FRMD4A: variants seen among roughly 807,000 people sequenced by gnomAD.
The protein encoded by FRMD4A is FERM domain-containing protein 4A.
FRMD4A carries 29 observed loss-of-function variants against 129.1 expected under a neutral mutation model. The ratio of observed to expected loss-of-function variants is 0.22; its 90% CI spans 0.17 to 0.31. The LOEUF (loss-of-function observed/expected upper bound fraction) is 0.31. Among genes scored for constraint, FRMD4A ranks in the 10% least tolerant of loss-of-function variants. The probability of loss-of-function intolerance (pLI) is 1.00; values close to 1 mark genes in which losing one functional copy is unlikely to be tolerated. For synonymous variants in FRMD4A, 634 were observed against 571.6 expected (o/e 1.11, Z -1.56); for missense variants, 1,272 against 1,375.8 (o/e 0.92, Z 1.19).
At chr10:13,702,567 T>C (rs11258538) in intron 13 of FRMD4A, among the ~76,000 whole-genome samples, 43,450 of 149,264 alleles carry the variant, frequency 0.29, 6,648 homozygotes, top group East Asian at 0.48. Flanking sequence ...TGTGTGTGTG[T>C]GCGCATGCAT....
intron 2 of FRMD4A, among the ~76,000 whole-genome samples, chr10:14,258,206 C>CA (rs956697996): frequency 6.7e-6 from 1 of 149,806 alleles, no homozygotes; most frequent in Non-Finnish European, 1.5e-5. Flanking sequence ...TTATACTCTT[C>CA]AAAAAAGAAG....
intron 2 of FRMD4A, among the ~76,000 whole-genome samples, chr10:13,876,991 C>G (rs1036836075): frequency 6.6e-6 from 1 of 152,052 alleles, no homozygotes. Flanking sequence ...ATTCACATAC[C>G]TATGTGACAA....
intron 15 of FRMD4A, among the ~76,000 whole-genome samples, chr10:13,689,029 A>C (rs1275684102): frequency 6.6e-6 from 1 of 152,068 alleles, no homozygotes; most frequent in Non-Finnish European, 1.5e-5. Context: ...TATCAATGAC[A>C]TTCTTCATTT....
chr10:14,308,492 T>C (rs536898733), intron 2 of FRMD4A, among the ~76,000 whole-genome samples: 3 of 152,324 alleles, frequency 2.0e-5, no homozygotes, highest in African/African-American at 7.2e-5. Context: ...AGACTAAAAT[T>C]ATGCAGGAGC....
At chr10:14,175,853 C>G (rs536614061) in intron 2 of FRMD4A, among the ~76,000 whole-genome samples, 12 of 152,138 alleles carry the variant, frequency 7.9e-5, no homozygotes, top group Admixed American at 7.9e-4. Context: ...TCTTTCTCTG[C>G]GTCACCTTAG....
chr10:14,287,279 C>T (rs1478037455), intron 2 of FRMD4A, among the ~76,000 whole-genome samples: 1 of 152,148 alleles, frequency 6.6e-6, no homozygotes. Context: ...AAACTGATCC[C>T]ATTGCTGAGA....
rs113580535 is a variant in FRMD4A at position 13,795,007 on chromosome 10, G to A, written c.299+1489C>T. ...GTGCCCCAAGCTCTCCTGCAAGGAC[G>A]TCCACAAATAATTCAGACACTTGGA... On this transcript the variant is annotated intron_variant, in intron 5 of 24. Coordinates refer to ENST00000357447, the MANE Select transcript of FRMD4A (RefSeq NM_018027.5). Among the ~76,000 whole-genome samples the A allele has an allele frequency of 8.8e-3, 1,335 of 152,276 alleles. 14 individuals carry two copies. The highest frequency in any genetic ancestry group is 0.031 in the African/African-American group (1,278 of 41,542).
chr10:14,006,957 G>T (rs879525320), intron 2 of FRMD4A, among the ~76,000 whole-genome samples: 5 of 151,850 alleles, frequency 3.3e-5, no homozygotes, highest in Non-Finnish European at 5.9e-5. Context: ...TATTCAAATG[G>T]CAGAAAAAAT....
intron 2 of FRMD4A, among the ~76,000 whole-genome samples, chr10:14,261,494 T>A (rs1374574130): frequency 6.6e-6 from 1 of 152,170 alleles, no homozygotes; most frequent in African/African-American, 2.4e-5. Context: ...AGGACTCAAA[T>A]TAAAGCTGCC....
chr10:13,873,281 A>AAG (rs1554950827), intron 2 of FRMD4A, among the ~76,000 whole-genome samples: 3 of 151,752 alleles, frequency 2.0e-5, no homozygotes, highest in Non-Finnish European at 1.5e-5. Flanking sequence ...AAAAAAAAAA[A>AAG]AGATAAGTTT....
chr10:13,670,395 G>C lies in FRMD4A; in HGVS notation c.1374+11C>G. 1 of 1,611,928 alleles carries C rather than the reference G, an allele frequency of 6.2e-7. No homozygotes were observed. The highest frequency in any genetic ancestry group is 8.5e-7 in the Non-Finnish European group (1 of 1,178,672). ...CATGAGAGAATCCAACAACAGAAAG[G>C]AAGGACGCACCTCTCCTTTGGGCAG... On this transcript the variant is annotated intron_variant, in intron 17 of 24. Transcript: ENST00000357447.
At chr10:14,142,711 T>C (rs1222507279) in intron 2 of FRMD4A, among the ~76,000 whole-genome samples, 1 of 152,240 alleles carries the variant, frequency 6.6e-6, no homozygotes, top group Admixed American at 6.5e-5. Flanking sequence ...AGCCAGATAG[T>C]ATTTCAATGG....
intron 9 of FRMD4A, among the ~76,000 whole-genome samples, chr10:13,747,114 A>G (rs1036844029): frequency 6.6e-6 from 1 of 152,068 alleles, no homozygotes; most frequent in African/African-American, 2.4e-5. Context: ...AGCACATGAA[A>G]GGCTCTCGAA....
chr10:13,991,646 T>C (rs2095603800), intron 2 of FRMD4A, among the ~76,000 whole-genome samples: 1 of 152,244 alleles, frequency 6.6e-6, no homozygotes, highest in Admixed American at 6.5e-5. Flanking sequence ...GAAGCATTTT[T>C]GATACACCTG....
rs1473267533 is a variant in FRMD4A, at chr10:13,884,152, A to ACACTCACACACACACACTCACACACTCT, written c.46-25241_46-25240insAGAGTGTGTGAGTGTGTGTGTGTGAGTG. On this transcript the variant is annotated intron_variant, in intron 2 of 24. Transcript: ENST00000357447. ...CACACGCTCACACACACTCTCACAC[A>ACACTCACACACACACACTCACACACTCT]CTCTCACACACACACTCACACACTC... Among the ~76,000 whole-genome samples, 11 of 23,402 alleles carry ACACTCACACACACACACTCACACACTCT rather than the reference A, an allele frequency of 4.7e-4. No homozygotes were observed. The East Asian group carries it at 0.012, about 25-fold the overall frequency. The allele number at this position is 23,402 out of a possible 152,430, so 15.4% of individuals were successfully genotyped here.
chr10:13,766,611 G>A (rs1165196918), intron 6 of FRMD4A, among the ~76,000 whole-genome samples: 1 of 152,096 alleles, frequency 6.6e-6, no homozygotes, highest in Non-Finnish European at 1.5e-5. Context: ...TAGGGTGGTG[G>A]GAAGACATCC....
chr10:13,709,290 CA>C (rs1214177890), intron 12 of FRMD4A, among the ~76,000 whole-genome samples: 1 of 152,170 alleles, frequency 6.6e-6, no homozygotes, highest in African/African-American at 2.4e-5. Context: ...GGACCTGACA[CA>C]AGTTACAGCA....
intron 2 of FRMD4A, among the ~76,000 whole-genome samples, chr10:13,903,944 T>C (rs2094850660): frequency 6.6e-6 from 1 of 152,168 alleles, no homozygotes; most frequent in Non-Finnish European, 1.5e-5. Flanking sequence ...GGATGTAGAA[T>C]TGCAGTCTTA....
chr10:13,818,490 T>A lies in FRMD4A; in HGVS notation c.112-7582A>T, dbSNP rs11258643. ...CAGCCTTTATTCCTTATGTTATTAT[T>A]AAATTTAGCTTCTTCCTTTCCTACA... On this transcript the variant is annotated intron_variant, in intron 3 of 24. Coordinates refer to ENST00000357447, the MANE Select transcript of FRMD4A (RefSeq NM_018027.5). Among the ~76,000 whole-genome samples, 812 of 152,166 alleles carry A rather than the reference T, an allele frequency of 5.3e-3. 8 individuals carry two copies. Among genetic ancestry groups the A allele is most frequent in the Non-Finnish European group, 5.1e-3 (346 of 67,982 alleles).
Sources: allele counts gnomAD v4.1 joint callset (sites outside exome capture counted in the v4.1 genomes callset), GRCh38; gene constraint gnomAD v4.1.1; transcripts MANE v1.5; gene names NCBI Gene and HGNC (gene_info 2026-07-23, HGNC 2026-07-21).